The following FBXO4 variants were observed in gnomAD, a reference collection of about 807,000 sequenced individuals.
FBXO4 encodes F-box only protein 4.
In FBXO4, 36 loss-of-function variants were observed where a neutral mutation model predicts 43.7. That is an observed-to-expected ratio of 0.82 (90% CI 0.63 to 1.09). FBXO4 has a LOEUF of 1.09. FBXO4 is among the 50% of genes least tolerant of loss of function. The probability of loss-of-function intolerance (pLI) is 0.00; values close to 1 mark genes in which losing one functional copy is unlikely to be tolerated. For missense variants in FBXO4, 435 were observed against 474.1 expected (o/e 0.92, Z 0.77); for synonymous variants, 180 against 165.6 (o/e 1.09, Z -0.67).
chr5:41,969,536 A>G, the FBXO4 span, among the ~76,000 whole-genome samples: 6 of 152,230 alleles, frequency 3.9e-5, no homozygotes, highest in African/African-American at 1.4e-4. Context: ...ATATTTGGCT[A>G]TATCATTTTC....
chr5:41,958,790 C>T, the FBXO4 span, among the ~76,000 whole-genome samples: 13 of 151,958 alleles, frequency 8.6e-5, no homozygotes, highest in Non-Finnish European at 1.8e-4. Context: ...TTTTTAAATT[C>T]GTTTATCTGT....
the FBXO4 span, among the ~76,000 whole-genome samples, chr5:41,973,640 C>T: frequency 1.3e-5 from 2 of 152,154 alleles, no homozygotes; most frequent in Admixed American, 6.5e-5. Flanking sequence ...GTGTTCATGC[C>T]GCTGCACTCC....
chr5:41,956,458 G>C, the FBXO4 span, among the ~76,000 whole-genome samples: 1 of 152,180 alleles, frequency 6.6e-6, no homozygotes, highest in Non-Finnish European at 1.5e-5. Flanking sequence ...GCATTAGTGA[G>C]TGTTTGATAT....
chr5:41,939,898 G>C (rs544790211), intron 6 of FBXO4, among the ~76,000 whole-genome samples: 182 of 128,650 alleles, frequency 1.4e-3, no homozygotes, highest in Middle Eastern at 5.7e-3. Context: ...TGCTCAGGCT[G>C]GAGTGCAGTG....
the FBXO4 span, among the ~76,000 whole-genome samples, chr5:41,965,465 T>G: frequency 7.2e-5 from 11 of 152,210 alleles, no homozygotes; most frequent in Non-Finnish European, 1.0e-4. Flanking sequence ...ATCTATAAAT[T>G]ACCTCGGGCA....
At chr5:42,038,603 C>G in the FBXO4 span, among the ~76,000 whole-genome samples, 9 of 152,024 alleles carry the variant, frequency 5.9e-5, no homozygotes. Context: ...TTTATCATTT[C>G]TTTGTATTAA....
intron 5 of FBXO4, among the ~76,000 whole-genome samples, chr5:41,936,078 C>T (rs989882794): frequency 1.3e-5 from 2 of 152,170 alleles, no homozygotes; most frequent in African/African-American, 4.8e-5. Context: ...GGAGTAAATC[C>T]TTTTTACCTC....
the FBXO4 span, among the ~76,000 whole-genome samples, chr5:41,999,488 TATATAC>T: frequency 2.0e-5 from 2 of 98,148 alleles, no homozygotes; most frequent in Non-Finnish European, 3.8e-5. Context: ...CACATATATA[TATATAC>T]ATATATATAT....
the FBXO4 span, among the ~76,000 whole-genome samples, chr5:41,975,239 C>T: frequency 6.6e-6 from 1 of 152,172 alleles, no homozygotes; most frequent in African/African-American, 2.4e-5. Flanking sequence ...CTTTGTCTGC[C>T]CCAGGGAAGC....
the FBXO4 span, among the ~76,000 whole-genome samples, chr5:42,021,121 A>G: frequency 6.6e-6 from 1 of 152,100 alleles, no homozygotes; most frequent in East Asian, 1.9e-4. Context: ...TAAACAGAAA[A>G]CGATTAGGAT....
At chr5:41,995,371 G>A in the FBXO4 span, among the ~76,000 whole-genome samples, 1 of 152,174 alleles carries the variant, frequency 6.6e-6, no homozygotes, top group Non-Finnish European at 1.5e-5. Context: ...ATATAATCAA[G>A]CTGCCACTAG....
chr5:42,020,197 A>G, the FBXO4 span, among the ~76,000 whole-genome samples: 1 of 152,312 alleles, frequency 6.6e-6, no homozygotes, highest in African/African-American at 2.4e-5. Context: ...GTCAAAAGGT[A>G]GCCACAAGAA....
the FBXO4 span, among the ~76,000 whole-genome samples, chr5:42,023,559 T>C: frequency 6.6e-6 from 1 of 152,016 alleles, no homozygotes; most frequent in Non-Finnish European, 1.5e-5. Context: ...GAAAGTTATT[T>C]TTTTCCCATC....
At chr5:41,960,312 C>CT in the FBXO4 span, among the ~76,000 whole-genome samples, 38 of 151,940 alleles carry the variant, frequency 2.5e-4, no homozygotes, top group African/African-American at 8.9e-4. Flanking sequence ...AATAATTTAA[C>CT]TTTTTTCTTT....
chr5:41,968,029 C>T, the FBXO4 span: 36 of 406,478 alleles, frequency 8.9e-5, no homozygotes, highest in East Asian at 2.0e-3. Context: ...CACCTCCTGC[C>T]GCACTTCCTG....
chr5:42,023,426 C>G, the FBXO4 span, among the ~76,000 whole-genome samples: 1 of 151,998 alleles, frequency 6.6e-6, no homozygotes, highest in African/African-American at 2.4e-5. Context: ...TTTGGGCAAA[C>G]GATGAACTCT....
At chr5:41,925,739 C>T (rs1295439705) in intron 1 of FBXO4, among the ~76,000 whole-genome samples, 1 of 152,130 alleles carries the variant, frequency 6.6e-6, no homozygotes, top group Non-Finnish European at 1.5e-5. Context: ...CATGGGGCCC[C>T]TGGGGACCCT....
chr5:41,969,112 C>T, the FBXO4 span, among the ~76,000 whole-genome samples: 782 of 152,278 alleles, frequency 5.1e-3, 8 homozygotes, highest in African/African-American at 0.018. Flanking sequence ...ACAGTTGTCA[C>T]ACATTTGTTG....
chr5:41,971,851 A>G, the FBXO4 span, among the ~76,000 whole-genome samples: 2 of 152,044 alleles, frequency 1.3e-5, no homozygotes, highest in Non-Finnish European at 2.9e-5. Context: ...TACTTATTTC[A>G]TTTTATAAAT....
Sources: gnomAD v4.1 joint callset for allele counts (sites outside exome capture counted in the v4.1 genomes callset) on GRCh38, gnomAD v4.1.1 for gene constraint, MANE v1.5 for transcripts, NCBI Gene and HGNC (gene_info 2026-07-23, HGNC 2026-07-21) for gene names.